Variants in PDPR observed in about 807,000 individuals in gnomAD.
PDPR encodes pyruvate dehydrogenase phosphatase regulatory subunit, also known as pyruvate dehydrogenase phosphatase regulatory subunit, mitochondrial.
Under a neutral mutation model 102.2 loss-of-function variants are expected in PDPR, and 50 were observed. That is an observed-to-expected ratio of 0.49 (90% CI 0.39 to 0.62). The LOEUF is 0.62. PDPR is among the 20% of genes least tolerant of loss of function. The pLI is 0.00. For synonymous variants in PDPR, 259 were observed against 406.0 expected (o/e 0.64, Z 4.35); for missense variants, 625 against 1,098.2 (o/e 0.57, Z 6.09).
chr16:70,127,652 T>G (rs1567528095), intron 4 of PDPR, among the ~76,000 whole-genome samples: 1 of 152,262 alleles, frequency 6.6e-6, no homozygotes, highest in Non-Finnish European at 1.5e-5. Context: ...ATGTAAATTA[T>G]CCTTACTGTA....
Position 70,156,617 on chromosome 16 carries a change from G to A in PDPR, c.2378G>A (p.Gly793Glu), listed in dbSNP as rs372846240. The change falls in exon 19 of 19, where the codon GGG becomes GAG. Residue 793 changes from glycine (G) to glutamate (E), a missense_variant. By Grantham distance (98) the Gly-to-Glu change is moderately conservative. Coordinates refer to ENST00000288050, the MANE Select transcript of PDPR (RefSeq NM_017990.5). ...TGGGGAGAGCCCATTTACCGGAATG[G>A]GCAGTATGTTGGCAAGACCACCAGC... ...PWWGEPIYRN[G>E]QYVGKTTSSA... 2.5e-6 allele frequency: 4 copies of A among 1,613,976 alleles called. No homozygotes were observed. In the African/African-American group the frequency reaches 5.3e-5, roughly 22 times the overall value.
intron 11 of PDPR, among the ~76,000 whole-genome samples, chr16:70,140,804 G>A (rs1426607208): frequency 1.3e-5 from 2 of 152,130 alleles, no homozygotes; most frequent in Non-Finnish European, 2.9e-5. Flanking sequence ...GATAGAGAGG[G>A]ATTCCATCTC....
rs1261708619 is a variant in PDPR at position 70,138,323 on chromosome 16, A to G, written c.1191-576A>G. ...AACCTCTGCCTCCCAGGTTCAAGCA[A>G]TTCTCCTTCCTCAGCCTCCGTAGTA... On this transcript the variant is annotated intron_variant, in intron 10 of 18. Transcript: ENST00000288050. Among the ~76,000 whole-genome samples the G allele has an allele frequency of 1.3e-4, 19 of 150,820 alleles. No individual in the cohort carries two copies. In the East Asian group the frequency reaches 2.0e-3, roughly 16 times the overall value.
In PDPR at chr16:70,156,505, C is replaced by T; in HGVS notation, c.2266C>T (p.Leu756=). The T allele has an allele frequency of 1.2e-6, 2 of 1,613,952 alleles. No homozygotes were observed. The highest frequency in any genetic ancestry group is 1.7e-5 in the Admixed American group (1 of 60,018). ...GMDFIGRDAL[L]QQKQNGVYKR... ...GGATTTCATTGGTCGCGACGCCCTCCTGCAGCAGAAGCAGAATGGAGTGTA... is the reference window on the plus strand; with the variant it reads ...GGATTTCATTGGTCGCGACGCCCTCTTGCAGCAGAAGCAGAATGGAGTGTA... Residue 756 remains leucine (L), a synonymous_variant, in exon 19 of 19, where the codon CTG becomes TTG. Transcript: ENST00000288050.
intron 3 of PDPR, among the ~76,000 whole-genome samples, chr16:70,125,445 T>G (rs2152070299): frequency 6.6e-6 from 1 of 151,408 alleles, no homozygotes; most frequent in African/African-American, 2.4e-5. Flanking sequence ...TCCCTGCTAC[T>G]CGGGAGACTG....
At chr16:70,163,389 G>T (rs1364616040), downstream of PDPR, among the ~76,000 whole-genome samples, 1 of 152,052 alleles carries the variant, frequency 6.6e-6, no homozygotes, top group South Asian at 2.1e-4. Context: ...AGTCAACCAC[G>T]CCAGAAACCT....
chr16:70,145,586 C>G (rs1467546413), intron 15 of PDPR: 3 of 355,588 alleles, frequency 8.4e-6, no homozygotes, highest in Non-Finnish European at 1.6e-5. Flanking sequence ...TTCTCAATTC[C>G]TTGTAGTAGC....
chr16:70,149,599 G>T (rs1194871646), intron 17 of PDPR, among the ~76,000 whole-genome samples: 1 of 152,222 alleles, frequency 6.6e-6, no homozygotes, highest in Non-Finnish European at 1.5e-5. Flanking sequence ...CTCTTTCTTT[G>T]TTGGTACCTA....
intron 3 of PDPR, among the ~76,000 whole-genome samples, chr16:70,124,916 C>G (rs929773978): frequency 6.6e-6 from 1 of 152,296 alleles, no homozygotes; most frequent in Non-Finnish European, 1.5e-5. Context: ...TAGAACCCCC[C>G]ACCTGCTTTC....
chr16:70,130,947 G>A (rs1341366760), intron 7 of PDPR, among the ~76,000 whole-genome samples: 1 of 152,286 alleles, frequency 6.6e-6, no homozygotes, highest in African/African-American at 2.4e-5. Context: ...TCCATGCTAT[G>A]ATCCCGAAGT....
rs148149993 is a variant in PDPR, at chr16:70,141,971, G to A, written c.1316-263G>A. On this transcript the variant is annotated intron_variant, in intron 11 of 18. Transcript: ENST00000288050. The stretch of plus-strand genomic sequence containing the variant: ...AAAAATTAGTGTGGCACGGTGACAC[G>A]TGCCTGTAATCCCAGCTACTCGGGA... Among the ~76,000 whole-genome samples the A allele has an allele frequency of 2.5e-3, 385 of 152,264 alleles. 1 individual carries two copies. Among genetic ancestry groups the A allele is most frequent in the East Asian group, 0.017 (90 of 5,172 alleles).
chr16:70,124,634 G>A (rs373095392), intron 3 of PDPR, among the ~76,000 whole-genome samples: 9 of 152,360 alleles, frequency 5.9e-5, no homozygotes, highest in East Asian at 1.9e-4. Context: ...CTCCAAGGGC[G>A]AGAGCCACTG....
rs1327079661 is a variant in PDPR, at chr16:70,161,797, G to A, written c.*4918G>A. ...TCTGAGCAGAGTGTCTGCATCTCTT[G>A]GAGAGTTACACATTTCTTCATGAGC... On this transcript the variant is annotated 3_prime_UTR_variant, in exon 19 of 19. Transcript: ENST00000288050. 2 of 152,404 alleles carry A rather than the reference G, an allele frequency of 1.3e-5. No homozygotes were observed. Among genetic ancestry groups the A allele is most frequent in the African/African-American group, 4.8e-5 (2 of 41,476 alleles). The allele number at this position is 152,404 out of a possible 1,614,324, so 9.4% of individuals were successfully genotyped here.
intron 17 of PDPR, among the ~76,000 whole-genome samples, chr16:70,149,513 A>G (rs1423578070): frequency 5.5e-4 from 83 of 152,268 alleles, no homozygotes; most frequent in African/African-American, 2.0e-3. Flanking sequence ...TGGTCCACAC[A>G]CCTCAGCCTC....
At chr16:70,129,669 A>C (rs1361290943) in intron 6 of PDPR, among the ~76,000 whole-genome samples, 1 of 152,262 alleles carries the variant, frequency 6.6e-6, no homozygotes, top group East Asian at 1.9e-4. Context: ...CTTTGGACTT[A>C]AGGTAATATT....
intron 3 of PDPR, among the ~76,000 whole-genome samples, chr16:70,122,002 T>A (rs1292993929): frequency 4.6e-5 from 7 of 152,330 alleles, no homozygotes; most frequent in African/African-American, 1.7e-4. Flanking sequence ...TTCTTTTTTT[T>A]TTGAAATGGA....
Position 70,156,492 on chromosome 16 carries a change from T to A in PDPR, c.2253T>A (p.Gly751=), listed in dbSNP as rs762967221. ...TTTCTTAGGGCATGGATTTCATTGG[T>A]CGCGACGCCCTCCTGCAGCAGAAGC... is the stretch of plus-strand genomic sequence containing the variant. ...VKLEKGMDFI[G]RDALLQQKQN... is the part of the protein sequence containing the mutation. Residue 751 remains glycine, a synonymous_variant, in exon 19 of 19, where the codon GGT becomes GGA. Coordinates refer to ENST00000288050, the MANE Select transcript of PDPR (RefSeq NM_017990.5). 1.2e-6 allele frequency: 2 copies of A among 1,613,780 alleles called. No individual in the cohort carries two copies. Among genetic ancestry groups the A allele is most frequent in the Non-Finnish European group, 1.7e-6 (2 of 1,179,648 alleles).
At chr16:70,118,081 A>C (rs1375079580) in intron 2 of PDPR, among the ~76,000 whole-genome samples, 1 of 146,062 alleles carries the variant, frequency 6.8e-6, no homozygotes, top group Non-Finnish European at 1.5e-5. Flanking sequence ...CGACAGAGTG[A>C]GACTCTGTCT....
At chr16:70,152,752 G>A (rs1374023839) in intron 17 of PDPR, among the ~76,000 whole-genome samples, 3 of 152,294 alleles carry the variant, frequency 2.0e-5, no homozygotes, top group African/African-American at 7.2e-5. Flanking sequence ...TGTTCAGACA[G>A]GGATTGAATA....
Sources: allele counts gnomAD v4.1 joint callset (sites outside exome capture counted in the v4.1 genomes callset), GRCh38; gene constraint gnomAD v4.1.1; transcripts MANE v1.5; gene names NCBI Gene and HGNC (gene_info 2026-07-23, HGNC 2026-07-21).